Variants in NSDHL observed in about 807,000 individuals in gnomAD.
NSDHL encodes NAD(P) dependent 3-beta-hydroxysteroid dehydrogenase NSDHL.
Under a neutral mutation model 23.0 loss-of-function variants are expected in NSDHL, and 1 was observed. The observed-to-expected ratio is 0.04, with a 90% confidence interval of 0.02 to 0.21. The LOEUF (loss-of-function observed/expected upper bound fraction) is 0.21. Ranked by LOEUF, NSDHL falls within the 10% of genes least tolerant of loss-of-function variation. NSDHL has a pLI of 1.00. For missense variants in NSDHL, 237 were observed against 300.9 expected, an observed-to-expected ratio of 0.79 and a Z score of 1.57; for synonymous variants, 128 against 121.1, an observed-to-expected ratio of 1.06 and a Z score of -0.37.
chrX:152,866,154 T>G (rs909888465), intron 6 of NSDHL, among the ~76,000 whole-genome samples, 193 bp downstream of exon 6: 15 of 112,385 alleles, frequency 1.3e-4, no homozygotes, highest in Non-Finnish European at 2.6e-4. Flanking sequence ...GAAGTCCAGA[T>G]CAAGGCGTTC....
chrX:152,851,795 G>T (rs1042082548), intron 3 of NSDHL, among the ~76,000 whole-genome samples: 11 of 110,985 alleles, frequency 9.9e-5, no homozygotes, highest in African/African-American at 3.3e-4. Context: ...ATTTCTCAGT[G>T]ATTTCAGCTC....
Position 152,868,989 on chromosome X carries a change from C to G in NSDHL, c.995C>G (p.Ala332Gly). The stretch of plus-strand genomic sequence containing the variant: ...TTCACACCCATGCGGGTCGCACTGG[C>G]TGGCACATTCCACTACTACAGCTGC... ...PTFTPMRVAL[A>G]GTFHYYSCER... The change falls in exon 8 of 8, where the codon GCT becomes GGT. Residue 332 changes from alanine (A) to glycine (G), a missense_variant. Ala to Gly is a moderately conservative substitution (Grantham distance 60). Transcript: ENST00000370274. 8.3e-7 allele frequency: 1 copy of G among 1,211,922 alleles called. No individual in the cohort carries two copies. Among genetic ancestry groups the G allele is most frequent in the Non-Finnish European group, 1.1e-6 (1 of 895,400 alleles).
At position 152,865,250 on chromosome X, in the gene NSDHL, C is replaced by T. The variant is rs146916943; in HGVS notation, c.544-569C>T. On this transcript the variant is annotated intron_variant, in intron 5 of 7. Coordinates refer to ENST00000370274, the MANE Select transcript of NSDHL (RefSeq NM_015922.3). ...CTTTACATGTCTCGGCCTCCTTTGC[C>T]CCCCAGCTGCTGGCCTGTTTCTCCC... Among the ~76,000 whole-genome samples, 898 of 112,059 alleles carry T rather than the reference C, an allele frequency of 8.0e-3. 14 individuals carry two copies. Among genetic ancestry groups the T allele is most frequent in the African/African-American group, 0.028 (851 of 30,822 alleles).
At chrX:152,845,857 C>T (rs968271035) in intron 1 of NSDHL, among the ~76,000 whole-genome samples, 11 of 112,236 alleles carry the variant, frequency 9.8e-5, no homozygotes, top group Non-Finnish European at 1.5e-4. Flanking sequence ...GGAGCAATTC[C>T]GTACAGTTCG....
chrX:152,862,883 C>T (rs1171410927), intron 5 of NSDHL, among the ~76,000 whole-genome samples, 159 bp downstream of exon 5: 6 of 111,738 alleles, frequency 5.4e-5, no homozygotes, highest in East Asian at 2.8e-4. Context: ...TGTGAGAGGC[C>T]GGGCACGGTG....
At chrX:152,833,273 C>A (rs1017711786) in intron 1 of NSDHL, among the ~76,000 whole-genome samples, 3 of 78,112 alleles carry the variant, frequency 3.8e-5, no homozygotes, top group African/African-American at 1.8e-4. Flanking sequence ...TTTTTGACTT[C>A]GGGGCTCCGT....
intron 1 of NSDHL, among the ~76,000 whole-genome samples, chrX:152,836,805 T>C (rs1556844157): frequency 8.9e-6 from 1 of 112,325 alleles, no homozygotes; most frequent in African/African-American, 3.2e-5. Context: ...TGGTTCCATA[T>C]GAACTTTAAA....
chrX:152,862,809 T>C, intron 5 of NSDHL, 85 bp downstream of exon 5: 1 of 927,154 alleles, frequency 1.1e-6, no homozygotes, highest in Admixed American at 2.2e-5. Flanking sequence ...GAAGTTTGTA[T>C]TCTGAGGCCT....
intron 6 of NSDHL, 75 bp downstream of exon 6, chrX:152,866,036 C>A (rs1192776721): frequency 9.3e-7 from 1 of 1,079,572 alleles, no homozygotes; most frequent in South Asian, 1.8e-5. Context: ...TTGGCAGGAG[C>A]CACATGGCAT....
At chrX:152,854,057 C>T (rs1430496521) in intron 3 of NSDHL, among the ~76,000 whole-genome samples, 1 of 112,450 alleles carries the variant, frequency 8.9e-6, no homozygotes, top group Non-Finnish European at 1.9e-5. Flanking sequence ...GCTTTGTCCC[C>T]TCAAAGGAGA....
intron 3 of NSDHL, among the ~76,000 whole-genome samples, chrX:152,856,929 A>G (rs1933451476): frequency 8.9e-6 from 1 of 112,505 alleles, no homozygotes; most frequent in African/African-American, 3.2e-5. Flanking sequence ...ATGGTGGCAT[A>G]CGCCTGTAAT....
intron 1 of NSDHL, among the ~76,000 whole-genome samples, chrX:152,843,400 C>G (rs1292260761): frequency 8.9e-6 from 1 of 112,217 alleles, no homozygotes; most frequent in Non-Finnish European, 1.9e-5. Context: ...TCTCACAGTT[C>G]TGGAGGCCAC....
intron 2 of NSDHL, among the ~76,000 whole-genome samples, chrX:152,849,500 A>G (rs1933323253): frequency 8.9e-6 from 1 of 112,489 alleles, no homozygotes; most frequent in Admixed American, 9.4e-5. Context: ...GTGTCCTTTC[A>G]TTATGCCCAG....
At chrX:152,832,473 C>G (rs1222282890) in intron 1 of NSDHL, among the ~76,000 whole-genome samples, 1 of 111,716 alleles carries the variant, frequency 9.0e-6, no homozygotes, top group Non-Finnish European at 1.9e-5. Flanking sequence ...AGCTAGTCCT[C>G]CCTGCTCTAC....
At chrX:152,856,364 T>C (rs1556846950) in intron 3 of NSDHL, among the ~76,000 whole-genome samples, 1 of 112,592 alleles carries the variant, frequency 8.9e-6, no homozygotes, top group African/African-American at 3.2e-5. Flanking sequence ...TACTTTTTAA[T>C]GTCATTACTA....
At chrX:152,858,948 G>A (rs781956219) in intron 4 of NSDHL, 32 bp downstream of exon 4, 1 of 1,167,637 alleles carries the variant, frequency 8.6e-7, no homozygotes, top group Middle Eastern at 2.4e-4. Flanking sequence ...GTGCTGTCAG[G>A]AGCACGTGAT....
At chrX:152,838,105 T>C in intron 1 of NSDHL, among the ~76,000 whole-genome samples, 1 of 112,430 alleles carries the variant, frequency 8.9e-6, no homozygotes, top group Middle Eastern at 4.6e-3. Flanking sequence ...TAGTATTCTC[T>C]GATGGTAGTT....
In NSDHL at chrX:152,869,177, G is replaced by T. The variant is rs1361880116; in HGVS notation, c.*61G>T. On this transcript the variant is annotated 3_prime_UTR_variant, in exon 8 of 8. Coordinates refer to ENST00000370274, the MANE Select transcript of NSDHL (RefSeq NM_015922.3). ...TCAGCCAGTCACTCCTTCCCCTGTGGATTGATGAAATAACATCCTTTGAAT... is the reference window on the plus strand; with the variant it reads ...TCAGCCAGTCACTCCTTCCCCTGTGTATTGATGAAATAACATCCTTTGAAT... 3 of 950,239 alleles carry T rather than the reference G, an allele frequency of 3.2e-6. No homozygotes were observed. The African/African-American group carries it at 5.8e-5, about 18-fold the overall frequency. The allele number at this position is 950,239 out of a possible 1,213,427, so 78.3% of individuals were successfully genotyped here.
rs182068643 is a variant in NSDHL at position 152,833,363 on chromosome X, A to G, written c.-44+2246A>G. ...CTCTTGTCATTCCCCCCCGCCCACC[A>G]TGCCTGGAGCCTTAGACTTGTCCAA... On this transcript the variant is annotated intron_variant, in intron 1 of 7. Coordinates refer to ENST00000370274, the MANE Select transcript of NSDHL (RefSeq NM_015922.3). Among the ~76,000 whole-genome samples the G allele has an allele frequency of 2.8e-3, 269 of 94,741 alleles. 3 individuals carry two copies. Among genetic ancestry groups the G allele is most frequent in the Non-Finnish European group, 4.4e-3 (214 of 48,948 alleles). The allele number at this position is 94,741 out of a possible 115,157, so 82.3% of individuals were successfully genotyped here.
Sources: allele counts gnomAD v4.1 joint callset (sites outside exome capture counted in the v4.1 genomes callset), GRCh38; gene constraint gnomAD v4.1.1; transcripts MANE v1.5; gene names NCBI Gene and HGNC (gene_info 2026-07-23, HGNC 2026-07-21).